The following FHIT variants were observed in gnomAD, a reference collection of about 807,000 sequenced individuals.
FHIT encodes bis(5'-adenosyl)-triphosphatase.
FHIT carries 19 observed loss-of-function variants against 17.9 expected under a neutral mutation model. The observed-to-expected ratio is 1.06, with a 90% CI of 0.74 to 1.56. The LOEUF (loss-of-function observed/expected upper bound fraction) is 1.56. Among genes scored for constraint, FHIT ranks in the 40% most tolerant of loss-of-function variants. The probability of loss-of-function intolerance (pLI) is 0.00; values close to 1 mark genes in which losing one functional copy is unlikely to be tolerated. For synonymous variants in FHIT, 81 were observed against 69.7 expected (o/e 1.16, Z -0.81); for missense variants, 248 against 189.2 (o/e 1.31, Z -1.82).
chr3:60,587,106 T>C (rs934226595), intron 4 of FHIT, among the ~76,000 whole-genome samples: 2 of 151,906 alleles, frequency 1.3e-5, no homozygotes, highest in African/African-American at 4.8e-5. Context: ...CCAACCCAAA[T>C]GCCCATCAAT....
rs553624977 is a variant in FHIT, at chr3:60,169,125, G to C, written c.104-154973C>G. 2.0e-5 allele frequency among the ~76,000 whole-genome samples: 3 copies of C among 152,318 alleles called. 1 individual carries two copies. The South Asian group carries it at 6.2e-4, about 32-fold the overall frequency. ...GTCAGCACATGCTATCAGCTAGAAA[G>C]ACTGCTCAAAATTGTGTGTGCCAAA... On this transcript the variant is annotated intron_variant, in intron 5 of 9. Coordinates refer to ENST00000492590, the MANE Select transcript of FHIT (RefSeq NM_002012.4).
At chr3:60,409,682 T>C (rs899022249) in intron 5 of FHIT, among the ~76,000 whole-genome samples, 1 of 152,174 alleles carries the variant, frequency 6.6e-6, no homozygotes, top group African/African-American at 2.4e-5. Flanking sequence ...GTAATACATC[T>C]AAAGTCATAC....
At chr3:61,042,768 A>G (rs938781019) in intron 2 of FHIT, among the ~76,000 whole-genome samples, 2 of 151,844 alleles carry the variant, frequency 1.3e-5, no homozygotes, top group East Asian at 3.9e-4. Flanking sequence ...TGAACTCAGG[A>G]GGCAGAGGTT....
intron 4 of FHIT, among the ~76,000 whole-genome samples, chr3:60,547,498 T>C (rs1259159285): frequency 6.6e-6 from 1 of 152,176 alleles, no homozygotes; most frequent in African/African-American, 2.4e-5. Flanking sequence ...TTCTTCTTTA[T>C]TTTTTTGGTG....
At chr3:60,628,221 G>A (rs1553681530) in intron 4 of FHIT, among the ~76,000 whole-genome samples, 2 of 152,100 alleles carry the variant, frequency 1.3e-5, no homozygotes, top group East Asian at 1.9e-4. Context: ...GGATATTTAG[G>A]AGTGTGTTGT....
chr3:60,620,329 C>T (rs987038332), intron 4 of FHIT, among the ~76,000 whole-genome samples: 1 of 152,184 alleles, frequency 6.6e-6, no homozygotes, highest in Non-Finnish European at 1.5e-5. Flanking sequence ...CTTATTTCTA[C>T]ACAAAAACCT....
chr3:60,924,911 T>C (rs1365464649), intron 3 of FHIT, among the ~76,000 whole-genome samples: 2 of 152,130 alleles, frequency 1.3e-5, no homozygotes, highest in African/African-American at 2.4e-5. Context: ...ACGTGACGAA[T>C]ACACAAGTCT....
At chr3:59,819,929 T>C (rs899861150) in intron 8 of FHIT, among the ~76,000 whole-genome samples, 10 of 152,178 alleles carry the variant, frequency 6.6e-5, no homozygotes, top group African/African-American at 2.2e-4. Context: ...CCTTCCACCA[T>C]GTGAGGACAC....
chr3:60,484,133 C>G (rs940519361), intron 5 of FHIT, among the ~76,000 whole-genome samples: 1 of 152,048 alleles, frequency 6.6e-6, no homozygotes, highest in East Asian at 1.9e-4. Flanking sequence ...ATGTGAAGGA[C>G]CTCTTCAAGG....
chr3:59,765,803 AATAG>A (rs1207255857), intron 8 of FHIT, among the ~76,000 whole-genome samples: 3 of 152,240 alleles, frequency 2.0e-5, no homozygotes, highest in African/African-American at 4.8e-5. Flanking sequence ...CTCTGATTAA[AATAG>A]ATAGAATCTA....
At chr3:60,419,593 C>G (rs1702395290) in intron 5 of FHIT, among the ~76,000 whole-genome samples, 1 of 152,162 alleles carries the variant, frequency 6.6e-6, no homozygotes. Flanking sequence ...GGCTCATTGA[C>G]TTTTGCTCTT....
intron 5 of FHIT, among the ~76,000 whole-genome samples, chr3:60,021,749 T>C (rs1700559952): frequency 6.6e-6 from 1 of 152,206 alleles, no homozygotes; most frequent in Non-Finnish European, 1.5e-5. Flanking sequence ...CAGGGGCATG[T>C]GCTACAACAC....
chr3:59,893,760 C>T (rs920144024), intron 8 of FHIT, among the ~76,000 whole-genome samples: 5 of 152,220 alleles, frequency 3.3e-5, no homozygotes, highest in Admixed American at 1.3e-4. Flanking sequence ...AACTCCTATG[C>T]GTCCACAGCA....
At chr3:60,030,367 T>C (rs1700950604) in intron 5 of FHIT, among the ~76,000 whole-genome samples, 1 of 152,182 alleles carries the variant, frequency 6.6e-6, no homozygotes, top group African/African-American at 2.4e-5. Flanking sequence ...TAGTGCATTA[T>C]CTGCCGCTGG....
At chr3:60,675,510 T>C (rs547897566) in intron 4 of FHIT, among the ~76,000 whole-genome samples, 1 of 152,262 alleles carries the variant, frequency 6.6e-6, no homozygotes, top group African/African-American at 2.4e-5. Flanking sequence ...GAGTAGAAAA[T>C]AGTTTAACAA....
At chr3:60,112,139 C>G (rs1355080366) in intron 5 of FHIT, among the ~76,000 whole-genome samples, 1 of 152,056 alleles carries the variant, frequency 6.6e-6, no homozygotes, top group Non-Finnish European at 1.5e-5. Context: ...GAATCAGAAC[C>G]CATTCTAGAT....
intron 5 of FHIT, among the ~76,000 whole-genome samples, chr3:60,521,310 T>C (rs528024825): frequency 2.8e-4 from 43 of 152,084 alleles, no homozygotes; most frequent in African/African-American, 9.4e-4. Context: ...TGCAATGGCA[T>C]GATCTCGGCT....
chr3:59,815,082 T>C (rs1700549776), intron 8 of FHIT, among the ~76,000 whole-genome samples: 1 of 152,210 alleles, frequency 6.6e-6, no homozygotes, highest in South Asian at 2.1e-4. Context: ...TCGGAGAACC[T>C]GGATTGAGCA....
chr3:61,125,207 T>G (rs1012882830), intron 2 of FHIT, among the ~76,000 whole-genome samples: 3 of 152,310 alleles, frequency 2.0e-5, no homozygotes, highest in African/African-American at 7.2e-5. Context: ...AACTGGCACT[T>G]TTTTACTAAA....
Sources: gnomAD v4.1 joint callset for allele counts (sites outside exome capture counted in the v4.1 genomes callset) on GRCh38, gnomAD v4.1.1 for gene constraint, MANE v1.5 for transcripts, NCBI Gene and HGNC (gene_info 2026-07-23, HGNC 2026-07-21) for gene names.